The following TMEM236 variants were observed in gnomAD, a reference collection of about 807,000 sequenced individuals.
The protein encoded by TMEM236 is family with sequence similarity 23, member A.
TMEM236 carries 11 observed loss-of-function variants against 14.7 expected under a neutral mutation model. That is an observed-to-expected ratio of 0.75 (90% CI 0.47 to 1.24). TMEM236 has a LOEUF of 1.24. TMEM236 is among the 50% of genes most tolerant of loss of function. TMEM236 has a pLI of 0.00. For synonymous variants in TMEM236, 182 were observed against 168.6 expected, an observed-to-expected ratio of 1.08 and a Z score of -0.62; for missense variants, 464 against 427.3, an observed-to-expected ratio of 1.09 and a Z score of -0.76.
chr10:17,762,616 T>TATATATAC (rs1554834058), intron 1 of TMEM236, among the ~76,000 whole-genome samples: 25 of 54,198 alleles, frequency 4.6e-4, no homozygotes, highest in East Asian at 1.4e-3. Context: ...TATATATATA[T>TATATATAC]ATACACACAT....
chr10:17,764,867 C>T (rs1252810863), intron 1 of TMEM236, among the ~76,000 whole-genome samples: 1 of 99,008 alleles, frequency 1.0e-5, no homozygotes, highest in Admixed American at 1.3e-4. Context: ...GGGTCTCATT[C>T]TGTCTCCCAG....
intron 3 of TMEM236, among the ~76,000 whole-genome samples, chr10:17,794,359 G>C (rs1228385284): frequency 2.6e-5 from 4 of 152,102 alleles, no homozygotes; most frequent in Non-Finnish European, 5.9e-5. Flanking sequence ...ACTTTGTCAA[G>C]TCCTGATAAT....
intron 3 of TMEM236, among the ~76,000 whole-genome samples, chr10:17,790,870 A>C (rs1837914485): frequency 1.3e-5 from 2 of 152,194 alleles, no homozygotes; most frequent in Non-Finnish European, 2.9e-5. Flanking sequence ...ATTGGGTAAC[A>C]ATCTCTTTGC....
intron 1 of TMEM236, among the ~76,000 whole-genome samples, chr10:17,757,198 T>G (rs2131739633): frequency 6.6e-6 from 1 of 152,360 alleles, no homozygotes; most frequent in East Asian, 1.9e-4. Flanking sequence ...TTCTGTACTG[T>G]TAAGTTTAAA....
intron 3 of TMEM236, among the ~76,000 whole-genome samples, chr10:17,786,741 C>G (rs1270172477): frequency 6.6e-6 from 1 of 152,136 alleles, no homozygotes; most frequent in Non-Finnish European, 1.5e-5. Context: ...TACACATCTG[C>G]CCTGATATGG....
intron 1 of TMEM236, among the ~76,000 whole-genome samples, chr10:17,767,321 C>T (rs1055128594): frequency 1.3e-5 from 2 of 152,012 alleles, no homozygotes; most frequent in African/African-American, 2.4e-5. Flanking sequence ...ATTAGCCAGG[C>T]GTGGTGGCAT....
intron 1 of TMEM236, among the ~76,000 whole-genome samples, chr10:17,763,710 G>A (rs1203285517): frequency 6.6e-6 from 1 of 152,198 alleles, no homozygotes; most frequent in Non-Finnish European, 1.5e-5. Context: ...TATGAGGAAT[G>A]AGTTGATATA....
chr10:17,791,467 G>A (rs989871280), intron 3 of TMEM236, among the ~76,000 whole-genome samples: 7 of 151,880 alleles, frequency 4.6e-5, no homozygotes, highest in African/African-American at 7.3e-5. Flanking sequence ...CTAAAATAAC[G>A]TAAAGTGACA....
At chr10:17,768,791 GAGT>G (rs201049258) in intron 1 of TMEM236, among the ~76,000 whole-genome samples, 4,712 of 151,190 alleles carry the variant, frequency 0.031, 238 homozygotes, top group African/African-American at 0.11. Flanking sequence ...CTATATATGA[GAGT>G]AGGAGCAATA....
chr10:17,787,294 T>C (rs1306914783), intron 3 of TMEM236, among the ~76,000 whole-genome samples: 1 of 152,208 alleles, frequency 6.6e-6, no homozygotes, highest in Non-Finnish European at 1.5e-5. Flanking sequence ...CATTACATCC[T>C]CTCTTAGTGT....
chr10:17,772,244 C>T (rs1292608824), intron 2 of TMEM236, among the ~76,000 whole-genome samples: 1 of 152,172 alleles, frequency 6.6e-6, no homozygotes, highest in African/African-American at 2.4e-5. Flanking sequence ...TAATGTATGA[C>T]ATTAGAAATT....
chr10:17,782,053 A>G (rs1837760051), intron 3 of TMEM236, among the ~76,000 whole-genome samples: 2 of 152,042 alleles, frequency 1.3e-5, no homozygotes, highest in African/African-American at 4.8e-5. Flanking sequence ...TCATGACTGC[A>G]CCACCTAGAG....
At chr10:17,777,111 G>C (rs937201316) in intron 3 of TMEM236, among the ~76,000 whole-genome samples, 5 of 152,158 alleles carry the variant, frequency 3.3e-5, no homozygotes, top group Non-Finnish European at 7.3e-5. Flanking sequence ...CACCACTGGG[G>C]CTCGTCAGTC....
chr10:17,776,119 G>T lies in TMEM236; in HGVS notation c.421G>T (p.Val141Phe). ...TCTGGTTCTGTTATCCCTGATCATG[G>T]TTGATATTATTGAAAAACTCAGGAT... is the stretch of plus-strand genomic sequence containing the variant. ...VSLVLLSLIM[V>F]DIIEKLRIYP... is the part of the protein sequence containing the mutation. The change falls in exon 3 of 4, where the codon GTT becomes TTT. Residue 141 changes from valine (V) to phenylalanine (F), a missense_variant. By Grantham distance (50) the Val-to-Phe change is conservative. Transcript: ENST00000377495. The T allele has an allele frequency of 6.2e-7, 1 of 1,613,720 alleles. No homozygotes were observed. Among genetic ancestry groups the T allele is most frequent in the Non-Finnish European group, 8.5e-7 (1 of 1,179,736 alleles).
At position 17,796,483 on chromosome 10, in the gene TMEM236, CT is replaced by C; in HGVS notation, c.1038del (p.Phe346LeufsTer18). The C allele has an allele frequency of 6.2e-7, 1 of 1,612,848 alleles. No homozygotes were observed. The highest frequency in any genetic ancestry group is 1.1e-5 in the South Asian group (1 of 91,026). On this transcript the variant is annotated frameshift_variant, in exon 4 of 4. Coordinates refer to ENST00000377495, the MANE Select transcript of TMEM236 (RefSeq NM_001098844.3). LOFTEE classifies it high-confidence loss of function. ...YLTRIRIFSA[F>X]EMSPF ...TAACCAGAATCAGGATTTTTTCTGC[CT>C]TTGAAATGTCTCCATTTTAAAAAGG...
At chr10:17,783,499 C>A (rs1205952221) in intron 3 of TMEM236, among the ~76,000 whole-genome samples, 1 of 152,116 alleles carries the variant, frequency 6.6e-6, no homozygotes, top group Non-Finnish European at 1.5e-5. Context: ...TAAATCTGCT[C>A]CCAATGGCCC....
At chr10:17,794,396 G>A (rs1837974795) in intron 3 of TMEM236, among the ~76,000 whole-genome samples, 1 of 152,156 alleles carries the variant, frequency 6.6e-6, no homozygotes, top group South Asian at 2.1e-4. Context: ...TGGTGTTTTA[G>A]TGGATAAATG....
At chr10:17,768,093 T>G (rs1353002290) in intron 1 of TMEM236, among the ~76,000 whole-genome samples, 3 of 131,666 alleles carry the variant, frequency 2.3e-5, no homozygotes, top group East Asian at 4.1e-4. Flanking sequence ...GTGGTTTTTT[T>G]TTTTTTTTTT....
chr10:17,786,482 C>A (rs1837839321), intron 3 of TMEM236, among the ~76,000 whole-genome samples: 1 of 152,130 alleles, frequency 6.6e-6, no homozygotes, highest in East Asian at 1.9e-4. Context: ...CCTCGGCTTC[C>A]CAAAGTGCTG....
Sources: allele counts gnomAD v4.1 joint callset (sites outside exome capture counted in the v4.1 genomes callset), GRCh38; gene constraint gnomAD v4.1.1; transcripts MANE v1.5; gene names NCBI Gene and HGNC (gene_info 2026-07-23, HGNC 2026-07-21).